TRMT1: variants seen among roughly 807,000 people sequenced by gnomAD.
TRMT1 encodes tRNA (guanine(26)-N(2))-dimethyltransferase.
A neutral mutation model predicts 75.4 loss-of-function variants in TRMT1; 63 were observed. The ratio of observed to expected loss-of-function variants is 0.84; its 90% CI spans 0.68 to 1.03. The LOEUF (loss-of-function observed/expected upper bound fraction) is 1.03. TRMT1 is among the 50% of genes least tolerant of loss of function. The probability of loss-of-function intolerance (pLI) is 0.00; values close to 1 mark genes in which losing one functional copy is unlikely to be tolerated. For synonymous variants in TRMT1, 382 were observed against 358.1 expected, an observed-to-expected ratio of 1.07 and a Z score of -0.75; for missense variants, 870 against 905.3, an observed-to-expected ratio of 0.96 and a Z score of 0.50.
chr19:13,112,215 C>T (rs1015689276), intron 7 of TRMT1, among the ~76,000 whole-genome samples: 1 of 151,422 alleles, frequency 6.6e-6, no homozygotes, highest in African/African-American at 2.4e-5. Context: ...TCTCAAAGTC[C>T]TGACCTCAGG....
At position 13,115,619 on chromosome 19, in the gene TRMT1, GC is replaced by G. The variant is rs202088629; in HGVS notation, c.453+6del. On this transcript the variant is annotated splice_donor_region_variant and intron_variant, in intron 4 of 16. Transcript: ENST00000357720. ...CAGGGCTGCCAGCTCCTATGCTCAG[GC>G]CCCACCTCACAGATCTCCCCCACGG... 37,182 of 1,613,736 alleles carry G rather than the reference GC, an allele frequency of 0.023. 526 individuals are homozygous for G. The highest frequency in any genetic ancestry group is 0.028 in the Non-Finnish European group (33,134 of 1,179,976).
intron 2 of TRMT1, 23 bp downstream of exon 2, chr19:13,116,123 G>A: frequency 6.2e-7 from 1 of 1,614,054 alleles, no homozygotes; most frequent in Non-Finnish European, 8.5e-7. Context: ...CCGATGCCAG[G>A]CTAACGTCTG....
Position 13,104,909 on chromosome 19 carries a change from A to T in TRMT1, c.*26T>A, listed in dbSNP as rs773667785. Reference sequence around the variant, plus strand: ...ACACAAACCACAGGCAATCGGGAGAAGGTGACGTGACATCTCTTTATTGGT... The same window carrying T: ...ACACAAACCACAGGCAATCGGGAGATGGTGACGTGACATCTCTTTATTGGT... On this transcript the variant is annotated 3_prime_UTR_variant, in exon 17 of 17. Coordinates refer to ENST00000357720, the MANE Select transcript of TRMT1 (RefSeq NM_001136035.4). 1 of 1,613,868 alleles carries T rather than the reference A, an allele frequency of 6.2e-7. No individual in the cohort carries two copies. Among genetic ancestry groups the T allele is most frequent in the Admixed American group, 1.7e-5 (1 of 60,034 alleles).
At chr19:13,111,921 A>T (rs1471273175) in intron 7 of TRMT1, among the ~76,000 whole-genome samples, 1 of 148,664 alleles carries the variant, frequency 6.7e-6, no homozygotes, top group Non-Finnish European at 1.5e-5. Context: ...GGATGGTCTC[A>T]ATCTCCTGAC....
In TRMT1 at chr19:13,105,084, G is replaced by C; in HGVS notation, c.1834-3C>G. ...TGGTCCCCGCGTTGACAGGTGCCCT[G>C]GTGGGAAGATGGTGGGTGTGAACCC... On this transcript the variant is annotated splice_polypyrimidine_tract_variant and splice_region_variant and intron_variant, in intron 16 of 16. Coordinates refer to ENST00000357720, the MANE Select transcript of TRMT1 (RefSeq NM_001136035.4). 6.3e-7 allele frequency: 1 copy of C among 1,580,440 alleles called. No homozygotes were observed. The highest frequency in any genetic ancestry group is 8.6e-7 in the Non-Finnish European group (1 of 1,162,030).
chr19:13,104,971 AG>A lies in TRMT1; in HGVS notation c.1943del (p.Pro648LeufsTer11), dbSNP rs761486084. ...DCPETSNQTPPGPGAAAGPGI... is the reference protein window; with the variant it reads ...DCPETSNQTPXGPGAAAGPGI... ...CTGGCCCAGCGGCAGCCCCAGGTCC[AG>A]GGGGGGTCTGGTTGGAGGTCTCTGG... On this transcript the variant is annotated frameshift_variant, in exon 17 of 17. Transcript: ENST00000357720. LOFTEE classifies it high-confidence loss of function. The A allele has an allele frequency of 1.2e-5, 20 of 1,613,544 alleles. No homozygotes were observed. The highest frequency in any genetic ancestry group is 2.2e-5 in the East Asian group (1 of 44,880).
At chr19:13,110,373 G>A (rs1197399717) in intron 7 of TRMT1, 67 bp from the exon 8 acceptor site, 1 of 1,502,044 alleles carries the variant, frequency 6.7e-7, no homozygotes, top group Admixed American at 2.1e-5. Context: ...AGCCCTATGT[G>A]GTACTCACAA....
At chr19:13,107,491 G>GGCA (rs2018928303) in intron 14 of TRMT1, 83 bp downstream of exon 14, 1 of 1,453,414 alleles carries the variant, frequency 6.9e-7, no homozygotes, top group South Asian at 1.2e-5. Context: ...GTCTGTGTGG[G>GGCA]GCAGCATCTG....
rs1372782176 is a variant in TRMT1 at position 13,115,436 on chromosome 19, C to A, written c.484G>T (p.Ala162Ser). Residue 162 changes from alanine (A) to serine (S), a missense_variant, in exon 5 of 17, where the codon GCT (alanine) becomes TCT (serine). By Grantham distance (99) the Ala-to-Ser change is moderately conservative. Transcript: ENST00000357720. ...AATCGAATGGAACGTAGGCCTGAAGCTGCCAGGCCTTCCAGCACATGCAGG... is the reference window on the plus strand; with the variant it reads ...AATCGAATGGAACGTAGGCCTGAAGATGCCAGGCCTTCCAGCACATGCAGG... The part of the protein sequence containing the change: ...EGLHVLEGLA[A>S]SGLRSIRFAL... 3 of 1,613,584 alleles carry A rather than the reference C, an allele frequency of 1.9e-6. No individual in the cohort carries two copies. The highest frequency in any genetic ancestry group is 2.5e-6 in the Non-Finnish European group (3 of 1,179,848).
At chr19:13,109,117 CG>C (rs1353622169) in intron 12 of TRMT1, among the ~76,000 whole-genome samples, 4 of 148,434 alleles carry the variant, frequency 2.7e-5, no homozygotes, top group African/African-American at 1.0e-4. Flanking sequence ...TGTATACATA[CG>C]TATGTATGTG....
At position 13,116,171 on chromosome 19, in the gene TRMT1, C is replaced by G. The variant is rs1467179476; in HGVS notation, c.229G>C (p.Val77Leu). 6.2e-7 allele frequency: 1 copy of G among 1,614,120 alleles called. No homozygotes were observed. Among genetic ancestry groups the G allele is most frequent in the East Asian group, 2.2e-5 (1 of 44,886 alleles). Residue 77 changes from valine (V) to leucine (L), a missense_variant, in exon 2 of 17, where the codon GTG becomes CTG. By Grantham distance (32) the Val-to-Leu change is conservative (BLOSUM62 1). Transcript: ENST00000357720. ...GTCAGGTCCCGATTGAATTCCTGCACCGGGTTATAAAAGACCTCGTTGGCA... is the reference window on the plus strand; with the variant it reads ...GTCAGGTCCCGATTGAATTCCTGCAGCGGGTTATAAAAGACCTCGTTGGCA... ...PSANEVFYNP[V>L]QEFNRDLTCA...
chr19:13,114,554 C>T (rs995920102), intron 5 of TRMT1, among the ~76,000 whole-genome samples: 3 of 152,068 alleles, frequency 2.0e-5, no homozygotes, highest in Admixed American at 6.6e-5. Flanking sequence ...GCTACTCAGT[C>T]GGGAGGCTAA....
chr19:13,105,397 C>T lies in TRMT1; in HGVS notation c.1704-1G>A, dbSNP rs754051160. On this transcript the variant is annotated splice_acceptor_variant, in intron 15 of 16. Coordinates refer to ENST00000357720, the MANE Select transcript of TRMT1 (RefSeq NM_001136035.4). LOFTEE classifies it high-confidence loss of function. ...CATAGCTTCGTCGGCCGCCTTGCCC[C>T]TGTGCGAGGGGAGGAGTAGGTGGGA... 6.2e-6 allele frequency: 10 copies of T among 1,613,576 alleles called. No individual in the cohort carries two copies. The highest frequency in any genetic ancestry group is 2.2e-5 in the East Asian group (1 of 44,898).
intron 14 of TRMT1, 34 bp downstream of exon 14, chr19:13,107,540 A>G: frequency 6.4e-7 from 1 of 1,574,516 alleles, no homozygotes; most frequent in Non-Finnish European, 8.6e-7. Flanking sequence ...GTCTGTGGGC[A>G]GCCCTGGCCG....
chr19:13,116,559 G>C, intron 1 of TRMT1, 94 bp downstream of exon 1: 1 of 1,001,242 alleles, frequency 1.0e-6, no homozygotes, highest in Non-Finnish European at 1.4e-6. Flanking sequence ...ATATCCCCTC[G>C]TTTTGGGGAT....
intron 12 of TRMT1, among the ~76,000 whole-genome samples, chr19:13,109,140 ATG>A (rs932203158): frequency 1.3e-5 from 2 of 150,044 alleles, no homozygotes; most frequent in African/African-American, 2.5e-5. Flanking sequence ...GTGTATATGT[ATG>A]TGTGTGTACA....
At chr19:13,116,613 G>T in intron 1 of TRMT1, 40 bp downstream of exon 1, 1 of 663,622 alleles carries the variant, frequency 1.5e-6, no homozygotes, top group Non-Finnish European at 2.5e-6. Context: ...GGCCCGCCCC[G>T]AGTCCGAATC....
intron 5 of TRMT1, 30 bp from the exon 6 acceptor site, chr19:13,113,041 C>T (rs747634627): frequency 1.2e-5 from 18 of 1,563,390 alleles, no homozygotes; most frequent in Non-Finnish European, 1.5e-5. Context: ...GGTCCTCAGC[C>T]TCCCACGCCA....
chr19:13,108,715 T>G (rs1014289779), intron 12 of TRMT1, among the ~76,000 whole-genome samples: 1 of 152,074 alleles, frequency 6.6e-6, no homozygotes, highest in Non-Finnish European at 1.5e-5. Flanking sequence ...GTTCCAGTGA[T>G]TCTCGTGCCT....
Sources: gnomAD v4.1 joint callset for allele counts (sites outside exome capture counted in the v4.1 genomes callset) on GRCh38, gnomAD v4.1.1 for gene constraint, MANE v1.5 for transcripts, NCBI Gene and HGNC (gene_info 2026-07-23, HGNC 2026-07-21) for gene names.